HES5: variants seen among roughly 807,000 people sequenced by gnomAD.
The protein encoded by HES5 is hes family bHLH transcription factor 5, also known as transcription factor HES-5.
A neutral mutation model predicts 9.6 loss-of-function variants in HES5; 12 were observed. That is an observed-to-expected ratio of 1.25 (90% CI 0.80 to 2.03). HES5 has a LOEUF of 2.03. Among genes scored for constraint, HES5 ranks in the 30% most tolerant of loss-of-function variants. The probability of loss-of-function intolerance (pLI) is 0.00; values close to 1 mark genes in which losing one functional copy is unlikely to be tolerated. For missense variants in HES5, 255 were observed against 218.6 expected, an observed-to-expected ratio of 1.17 and a Z score of -1.05; for synonymous variants, 131 against 102.4, an observed-to-expected ratio of 1.28 and a Z score of -1.69.
At position 2,529,667 on chromosome 1, in the gene HES5, C is replaced by G. The variant is rs1165727910; in HGVS notation, c.303G>C (p.Gln101His). 2.6e-5 allele frequency: 34 copies of G among 1,323,468 alleles called. No homozygotes were observed. The highest frequency in any genetic ancestry group is 3.2e-5 in the Non-Finnish European group (33 of 1,019,022). The allele number at this position is 1,323,468 out of a possible 1,614,324, so 82.0% of individuals were successfully genotyped here. ...GYSWCLQEAV[Q>H]FLTLHAASDT... The stretch of plus-strand genomic sequence containing the variant: ...CGCTGGCGGCGTGGAGCGTCAGGAA[C>G]TGCACGGCCTCCTGCAGGCACCACG... Residue 101 changes from glutamine to histidine, a missense_variant, in exon 3 of 3, where the codon CAG becomes CAC. Transcript: ENST00000378453. This position sits in a 1 kb window ranked among gnomAD's most constrained non-coding sequence, Gnocchi z 4.5.
chr1:2,529,269 G>T lies in HES5; in HGVS notation c.*200C>A. Reference sequence around the variant, plus strand: ...ACTTGGCAGAAGATGGGCCCTGATTGTCCTAAAACGGCAGGGACTCTGCAC... The same window carrying T: ...ACTTGGCAGAAGATGGGCCCTGATTTTCCTAAAACGGCAGGGACTCTGCAC... On this transcript the variant is annotated 3_prime_UTR_variant, in exon 3 of 3. Coordinates refer to ENST00000378453, the MANE Select transcript of HES5 (RefSeq NM_001010926.4). The surrounding 1 kb of genome is among the most constrained non-coding windows in gnomAD (Gnocchi z 4.5). 1 of 303,262 alleles carries T rather than the reference G, an allele frequency of 3.3e-6. No individual in the cohort carries two copies. Among genetic ancestry groups the T allele is most frequent in the Non-Finnish European group, 4.9e-6 (1 of 203,482 alleles). The allele number at this position is 303,262 out of a possible 1,614,324, so 18.8% of individuals were successfully genotyped here. A position where few individuals can be genotyped will look rare whatever the true frequency, so the allele number is the denominator to read the frequency against.
chr1:2,529,901 C>T lies in HES5; in HGVS notation c.165G>A (p.Lys55=), dbSNP rs1269692373. 1 of 1,605,468 alleles carries T rather than the reference C, an allele frequency of 6.2e-7. No homozygotes were observed. The highest frequency in any genetic ancestry group is 2.2e-5 in the East Asian group (1 of 44,510). Reference sequence around the variant, plus strand: ...TCTCCAGGATGTCGGCCTTCTCCAGCTTGGAGTTGGGCTGGTGCCGCGCGA... The same window carrying T: ...TCTCCAGGATGTCGGCCTTCTCCAGTTTGGAGTTGGGCTGGTGCCGCGCGA... The part of the protein sequence containing the change: ...QEFARHQPNS[K]LEKADILEMA... Residue 55 remains lysine (K), a synonymous_variant, in exon 2 of 3, where the codon AAG becomes AAA. Coordinates refer to ENST00000378453, the MANE Select transcript of HES5 (RefSeq NM_001010926.4). This position sits in a 1 kb window ranked among gnomAD's most constrained non-coding sequence, Gnocchi z 4.5.
chr1:2,530,250 G>C lies in HES5; in HGVS notation c.-86C>G. 8.4e-7 allele frequency: 1 copy of C among 1,186,170 alleles called. No individual in the cohort carries two copies. The highest frequency in any genetic ancestry group is 1.1e-6 in the Non-Finnish European group (1 of 935,586). The allele number at this position is 1,186,170 out of a possible 1,614,324, so 73.5% of individuals were successfully genotyped here. A position where few individuals can be genotyped will look rare whatever the true frequency, so the allele number is the denominator to read the frequency against. On this transcript the variant is annotated 5_prime_UTR_variant, in exon 1 of 3. Transcript: ENST00000378453. Reference sequence around the variant, plus strand: ...GCGCGGGCAAGGCCAAGCGCGTCCCGGGCTGGCGCGGACACCGGCCCCGCG... The same window carrying C: ...GCGCGGGCAAGGCCAAGCGCGTCCCCGGCTGGCGCGGACACCGGCCCCGCG...
rs979134473 is a variant in HES5 at position 2,529,898 on chromosome 1, C to T, written c.168G>A (p.Leu56=). Residue 56 remains leucine, a synonymous_variant, in exon 2 of 3, where the codon CTG becomes CTA. Coordinates refer to ENST00000378453, the MANE Select transcript of HES5 (RefSeq NM_001010926.4). This position sits in a 1 kb window ranked among gnomAD's most constrained non-coding sequence, Gnocchi z 4.5. ...EFARHQPNSK[L]EKADILEMAV... is the part of the protein sequence containing the mutation. ...CCATCTCCAGGATGTCGGCCTTCTC[C>T]AGCTTGGAGTTGGGCTGGTGCCGCG... 6.2e-7 allele frequency: 1 copy of T among 1,604,696 alleles called. No individual in the cohort carries two copies. The highest frequency in any genetic ancestry group is 8.5e-7 in the Non-Finnish European group (1 of 1,176,022).
Position 2,529,437 on chromosome 1 carries a change from C to A in HES5, c.*32G>T. 9.4e-7 allele frequency: 1 copy of A among 1,066,360 alleles called. No individual in the cohort carries two copies. Among genetic ancestry groups the A allele is most frequent in the South Asian group, 4.5e-5 (1 of 22,302 alleles). The allele number at this position is 1,066,360 out of a possible 1,614,324, so 66.1% of individuals were successfully genotyped here. A position where few individuals can be genotyped will look rare whatever the true frequency, so the allele number is the denominator to read the frequency against. On this transcript the variant is annotated 3_prime_UTR_variant, in exon 3 of 3. Coordinates refer to ENST00000378453, the MANE Select transcript of HES5 (RefSeq NM_001010926.4). The surrounding 1 kb of genome is among the most constrained non-coding windows in gnomAD (Gnocchi z 4.5). ...GAGAGGAGCAGGCTCGCCCTCTGGT[C>A]GTCGGGCCGCGCGCCCGCAGGTCCC...
At position 2,529,699 on chromosome 1, in the gene HES5, C is replaced by G; in HGVS notation, c.271G>C (p.Gly91Arg). 7.7e-7 allele frequency: 1 copy of G among 1,305,422 alleles called. No homozygotes were observed. Among genetic ancestry groups the G allele is most frequent in the Non-Finnish European group, 9.9e-7 (1 of 1,012,988 alleles). The allele number at this position is 1,305,422 out of a possible 1,614,324, so 80.9% of individuals were successfully genotyped here. ...PKSLHQDYSEGYSWCLQEAVQ... is the reference protein window; with the variant it reads ...PKSLHQDYSERYSWCLQEAVQ... ...GCCTCCTGCAGGCACCACGAGTAGC[C>G]TTCGCTGTAGTCCTGGTGCAGGCTC... Residue 91 changes from glycine (G) to arginine (R), a missense_variant, in exon 3 of 3, where the codon GGC becomes CGC. Physicochemically the swap from Gly to Arg is moderately radical, Grantham distance 125 (BLOSUM62 -2). Transcript: ENST00000378453. The surrounding 1 kb of genome is among the most constrained non-coding windows in gnomAD (Gnocchi z 4.5).
At position 2,529,629 on chromosome 1, in the gene HES5, T is replaced by C; in HGVS notation, c.341A>G (p.Lys114Arg). The change falls in exon 3 of 3, where the codon AAG becomes AGG. Residue 114 changes from lysine (K) to arginine (R), a missense_variant. Coordinates refer to ENST00000378453, the MANE Select transcript of HES5 (RefSeq NM_001010926.4). The surrounding 1 kb of genome is among the most constrained non-coding windows in gnomAD (Gnocchi z 4.5). Reference sequence around the variant, plus strand: ...GGGCCGCTGGAAGTGGTACAGCAGCTTCATCTGCGTGTCGCTGGCGGCGTG... The same window carrying C: ...GGGCCGCTGGAAGTGGTACAGCAGCCTCATCTGCGTGTCGCTGGCGGCGTG... ...TLHAASDTQM[K>R]LLYHFQRPPA... 2 of 1,300,514 alleles carry C rather than the reference T, an allele frequency of 1.5e-6. No individual in the cohort carries two copies. Among genetic ancestry groups the C allele is most frequent in the South Asian group, 2.0e-5 (1 of 50,344 alleles). 80.6% of individuals were successfully genotyped at this position (1,300,514 alleles called of 1,614,324 possible).
rs1316807197 is a variant in HES5, at chr1:2,529,693, A to C, written c.277T>G (p.Ser93Ala). 37 of 1,307,232 alleles carry C rather than the reference A, an allele frequency of 2.8e-5. No individual in the cohort carries two copies. The highest frequency in any genetic ancestry group is 3.6e-5 in the Non-Finnish European group (37 of 1,013,836). 81.0% of individuals were successfully genotyped at this position (1,307,232 alleles called of 1,614,324 possible). A position where few individuals can be genotyped will look rare whatever the true frequency, so the allele number is the denominator to read the frequency against. The stretch of plus-strand genomic sequence containing the variant: ...TGCACGGCCTCCTGCAGGCACCACG[A>C]GTAGCCTTCGCTGTAGTCCTGGTGC... ...SLHQDYSEGY[S>A]WCLQEAVQFL... Residue 93 changes from serine (S) to alanine (A), a missense_variant, in exon 3 of 3, where the codon TCG (serine) becomes GCG (alanine). Transcript: ENST00000378453. The surrounding 1 kb of genome is among the most constrained non-coding windows in gnomAD (Gnocchi z 4.5).
At position 2,529,840 on chromosome 1, in the gene HES5, G is replaced by C. The variant is rs200648986; in HGVS notation, c.220+6C>G. On this transcript the variant is annotated splice_donor_region_variant and intron_variant, in intron 2 of 2. Coordinates refer to ENST00000378453, the MANE Select transcript of HES5 (RefSeq NM_001010926.4). This position sits in a 1 kb window ranked among gnomAD's most constrained non-coding sequence, Gnocchi z 4.5. ...CTCGGGGCGCGGGGGGCCCGGGCGC[G>C]CTCACCTTTGCTGTGCTTCAGGTAG... The C allele has an allele frequency of 2.0e-6, 3 of 1,466,978 alleles. No individual in the cohort carries two copies. In the Admixed American group the frequency reaches 6.0e-5, roughly 30 times the overall value. The allele number at this position is 1,466,978 out of a possible 1,614,324, so 90.9% of individuals were successfully genotyped here.
At position 2,529,556 on chromosome 1, in the gene HES5, G is replaced by C; in HGVS notation, c.414C>G (p.Ala138=). ...APAKEPKAPG[A]APPPALSAKA... Reference sequence around the variant, plus strand: ...TGGCGGAGAGCGCGGGCGGGGGCGCGGCGCCCGGCGCCTTGGGCTCCTTGG... The same window carrying C: ...TGGCGGAGAGCGCGGGCGGGGGCGCCGCGCCCGGCGCCTTGGGCTCCTTGG... Residue 138 remains alanine, a synonymous_variant, in exon 3 of 3, where the codon GCC becomes GCG. Transcript: ENST00000378453. The surrounding 1 kb of genome is among the most constrained non-coding windows in gnomAD (Gnocchi z 4.5). 2 of 1,080,370 alleles carry C rather than the reference G, an allele frequency of 1.9e-6. No individual in the cohort carries two copies. The highest frequency in any genetic ancestry group is 8.7e-5 in the South Asian group (2 of 22,974). 66.9% of individuals were successfully genotyped at this position (1,080,370 alleles called of 1,614,324 possible).
At chr1:2,530,063 A>G in intron 1 of HES5, 48 bp downstream of exon 1, 1 of 1,600,522 alleles carries the variant, frequency 6.2e-7, no homozygotes, top group Non-Finnish European at 8.5e-7. Context: ...GGGACCCCCG[A>G]GGACCGGAGG....
rs764265290 is a variant in HES5, at chr1:2,529,908, T to G, written c.158A>C (p.Asn53Thr). 6.2e-7 allele frequency: 1 copy of G among 1,606,064 alleles called. No individual in the cohort carries two copies. The highest frequency in any genetic ancestry group is 1.1e-5 in the South Asian group (1 of 89,902). ...GATGTCGGCCTTCTCCAGCTTGGAG[T>G]TGGGCTGGTGCCGCGCGAACTCCTG... is the stretch of plus-strand genomic sequence containing the variant. ...LEQEFARHQP[N>T]SKLEKADILE... Residue 53 changes from asparagine to threonine, a missense_variant, in exon 2 of 3, where the codon AAC (asparagine) becomes ACC (threonine). Transcript: ENST00000378453. This position sits in a 1 kb window ranked among gnomAD's most constrained non-coding sequence, Gnocchi z 4.5.
rs1643986159 is a variant in HES5 at position 2,530,031 on chromosome 1, C to T, written c.55-20G>A. 7 of 1,602,762 alleles carry T rather than the reference C, an allele frequency of 4.4e-6. No individual in the cohort carries two copies. The East Asian group carries it at 1.6e-4, about 36-fold the overall frequency. ...CCGCAGCTGCGGGAGGAGGGGGTGT[C>T]AGGCTGGCCCGGCACGGCGCAGGGA... is the stretch of plus-strand genomic sequence containing the variant. On this transcript the variant is annotated intron_variant, in intron 1 of 2. Transcript: ENST00000378453.
At position 2,528,876 on chromosome 1, in the gene HES5, A is replaced by G. The variant is rs1251638160; in HGVS notation, c.*593T>C. Reference sequence around the variant, plus strand: ...TCCACCCACACAGAGGAATCCTTTAAGGATCATAGTGGAGGCACCCACCCT... The same window carrying G: ...TCCACCCACACAGAGGAATCCTTTAGGGATCATAGTGGAGGCACCCACCCT... On this transcript the variant is annotated 3_prime_UTR_variant, in exon 3 of 3. Transcript: ENST00000378453. 1 of 152,558 alleles carries G rather than the reference A, an allele frequency of 6.6e-6. No homozygotes were observed. The highest frequency in any genetic ancestry group is 2.4e-5 in the African/African-American group (1 of 41,438). The allele number at this position is 152,558 out of a possible 1,614,324, so 9.5% of individuals were successfully genotyped here.
chr1:2,529,799 C>T lies in HES5; in HGVS notation c.220+47G>A. 1.5e-6 allele frequency: 2 copies of T among 1,295,860 alleles called. No homozygotes were observed. Among genetic ancestry groups the T allele is most frequent in the Non-Finnish European group, 2.0e-6 (2 of 1,012,772 alleles). 80.3% of individuals were successfully genotyped at this position (1,295,860 alleles called of 1,614,324 possible). A position where few individuals can be genotyped will look rare whatever the true frequency, so the allele number is the denominator to read the frequency against. The stretch of plus-strand genomic sequence containing the variant: ...AGCGGGCGGCGGGGCGCGGGGGAGC[C>T]GGGGCGCGGTGGGAACTCGGGGCGC... On this transcript the variant is annotated intron_variant, in intron 2 of 2. Coordinates refer to ENST00000378453, the MANE Select transcript of HES5 (RefSeq NM_001010926.4). This position sits in a 1 kb window ranked among gnomAD's most constrained non-coding sequence, Gnocchi z 4.5.
At position 2,530,190 on chromosome 1, in the gene HES5, C is replaced by G. The variant is rs972711917; in HGVS notation, c.-26G>C. ...GCCTGGCGCGGAACAGGCGACGAGG[C>G]GACGCGGGGAGGCCGGGCGAGACGA... On this transcript the variant is annotated 5_prime_UTR_variant, in exon 1 of 3. Coordinates refer to ENST00000378453, the MANE Select transcript of HES5 (RefSeq NM_001010926.4). 2.7e-6 allele frequency: 4 copies of G among 1,459,288 alleles called. No individual in the cohort carries two copies. The highest frequency in any genetic ancestry group is 3.6e-6 in the Non-Finnish European group (4 of 1,099,174). The allele number at this position is 1,459,288 out of a possible 1,614,324, so 90.4% of individuals were successfully genotyped here.
chr1:2,529,414 G>A lies in HES5; in HGVS notation c.*55C>T. ...CGGGAAGGCGCTTCCCTACAGGCGA[G>A]AGGAGCAGGCTCGCCCTCTGGTCGT... On this transcript the variant is annotated 3_prime_UTR_variant, in exon 3 of 3. Transcript: ENST00000378453. This position sits in a 1 kb window ranked among gnomAD's most constrained non-coding sequence, Gnocchi z 4.5. 4 of 1,074,154 alleles carry A rather than the reference G, an allele frequency of 3.7e-6. No homozygotes were observed. Among genetic ancestry groups the A allele is most frequent in the Non-Finnish European group, 4.5e-6 (4 of 887,212 alleles). 66.5% of individuals were successfully genotyped at this position (1,074,154 alleles called of 1,614,324 possible).
chr1:2,530,106 C>G lies in HES5; in HGVS notation c.54+5G>C. The G allele has an allele frequency of 1.3e-6, 2 of 1,580,556 alleles. No homozygotes were observed. Among genetic ancestry groups the G allele is most frequent in the Admixed American group, 1.8e-5 (1 of 55,328 alleles). On this transcript the variant is annotated splice_donor_5th_base_variant and intron_variant, in intron 1 of 2. Transcript: ENST00000378453. ...GACAGCGCGCCGGGCGAGTCTGGTACTTACTCGGTTTTTCTCTTTGGGGCT... is the reference window on the plus strand; with the variant it reads ...GACAGCGCGCCGGGCGAGTCTGGTAGTTACTCGGTTTTTCTCTTTGGGGCT...
rs1346988024 is a variant in HES5 at position 2,529,953 on chromosome 1, T to C, written c.113A>G (p.Gln38Arg). Residue 38 changes from glutamine (Q) to arginine (R), a missense_variant, in exon 2 of 3, where the codon CAG becomes CGG. By Grantham distance (43) the Gln-to-Arg change is conservative (BLOSUM62 1). Coordinates refer to ENST00000378453, the MANE Select transcript of HES5 (RefSeq NM_001010926.4). This position sits in a 1 kb window ranked among gnomAD's most constrained non-coding sequence, Gnocchi z 4.5. Reference protein sequence around the residue: ...RRDRINSSIEQLKLLLEQEFA... With the variant: ...RRDRINSSIERLKLLLEQEFA... ...CTCCTGCTCCAGCAGCAGCTTCAGC[T>C]GCTCGATGCTGCTGTTGATGCGGTC... The C allele has an allele frequency of 6.2e-7, 1 of 1,609,502 alleles. No individual in the cohort carries two copies.
Sources: gnomAD v4.1 joint callset for allele counts on GRCh38, gnomAD v4.1.1 for gene constraint, Gnocchi (gnomAD v3.1) non-coding constraint, MANE v1.5 for transcripts, NCBI Gene and HGNC (gene_info 2026-07-23, HGNC 2026-07-21) for gene names.